Variants in STARD13 observed in about 807,000 individuals in gnomAD.
STARD13 encodes stAR-related lipid transfer protein 13.
A neutral mutation model predicts 106.4 loss-of-function variants in STARD13; 62 were observed. That is an observed-to-expected ratio of 0.58 (90% confidence interval 0.48 to 0.72). The LOEUF is 0.72. Among genes scored for constraint, STARD13 ranks in the 30% least tolerant of loss-of-function variants. STARD13 has a pLI of 0.00. For synonymous variants in STARD13, 565 were observed against 553.0 expected, an observed-to-expected ratio of 1.02 and a Z score of -0.31; for missense variants, 1,387 against 1,424.0, an observed-to-expected ratio of 0.97 and a Z score of 0.42.
the STARD13 span, among the ~76,000 whole-genome samples, chr13:33,664,951 C>T: frequency 1.3e-5 from 2 of 152,294 alleles, no homozygotes; most frequent in East Asian, 3.9e-4. Flanking sequence ...TTTTACTTAC[C>T]TTACTCATCC....
intron 1 of STARD13, among the ~76,000 whole-genome samples, chr13:33,212,392 AAAAT>A (rs140790469): frequency 0.015 from 2,233 of 152,306 alleles, 57 homozygotes; most frequent in African/African-American, 0.051. Flanking sequence ...TTTTAAGCAG[AAAAT>A]AAAGCCACTT....
intron 1 of STARD13, among the ~76,000 whole-genome samples, chr13:33,213,385 G>A (rs9596975): frequency 0.56 from 84,474 of 152,026 alleles, 24,036 homozygotes; most frequent in Middle Eastern, 0.66. Flanking sequence ...GAAAACAGAA[G>A]ACAAAATCAT....
the STARD13 span, among the ~76,000 whole-genome samples, chr13:33,673,492 A>T: frequency 6.6e-6 from 1 of 151,564 alleles, no homozygotes; most frequent in African/African-American, 2.4e-5. Context: ...GATAAGACAG[A>T]ATATATACAT....
At chr13:33,502,698 C>T in the STARD13 span, among the ~76,000 whole-genome samples, 20 of 152,114 alleles carry the variant, frequency 1.3e-4, no homozygotes, top group Non-Finnish European at 2.9e-5. Context: ...TATTGATTTG[C>T]ATATGTTGAA....
At chr13:33,479,966 A>G in the STARD13 span, among the ~76,000 whole-genome samples, 2 of 152,206 alleles carry the variant, frequency 1.3e-5, no homozygotes, top group African/African-American at 2.4e-5. Context: ...CCATGAGCCA[A>G]TTAAACCTCT....
intron 1 of STARD13, among the ~76,000 whole-genome samples, chr13:33,265,680 T>C (rs529968754): frequency 6.6e-6 from 1 of 152,300 alleles, no homozygotes; most frequent in South Asian, 2.1e-4. Flanking sequence ...TAGTTTATTG[T>C]ATTTATCCCT....
rs560474144 is a variant in STARD13, at chr13:33,219,917, C to T, written c.170-52295G>A. On this transcript the variant is annotated intron_variant, in intron 1 of 13. Coordinates refer to ENST00000336934, the MANE Select transcript of STARD13 (RefSeq NM_178006.4). ...TGAAATACTGATGGGTAGAGGAACG[C>T]TTTTCCATGATATACCCACAGCACC... 3.9e-5 allele frequency among the ~76,000 whole-genome samples: 6 copies of T among 152,056 alleles called. 1 individual carries two copies. The highest frequency in any genetic ancestry group is 4.1e-4 in the South Asian group (2 of 4,824).
the STARD13 span, among the ~76,000 whole-genome samples, chr13:33,564,206 CAA>C: frequency 0.14 from 7,495 of 53,858 alleles, 821 homozygotes; most frequent in East Asian, 0.43. Context: ...GACTGTATCT[CAA>C]AAAAAAAAAA....
At chr13:33,606,238 T>A in the STARD13 span, among the ~76,000 whole-genome samples, 1 of 151,856 alleles carries the variant, frequency 6.6e-6, no homozygotes, top group Non-Finnish European at 1.5e-5. Context: ...GAGGTGGAGG[T>A]TGCAGTGAGC....
chr13:33,585,106 A>G, the STARD13 span, among the ~76,000 whole-genome samples: 1 of 152,244 alleles, frequency 6.6e-6, no homozygotes, highest in Non-Finnish European at 1.5e-5. Flanking sequence ...GCTACTATCA[A>G]AAAGGAAAAG....
chr13:33,119,836 A>C (rs1226373073), intron 7 of STARD13, among the ~76,000 whole-genome samples: 1 of 152,222 alleles, frequency 6.6e-6, no homozygotes. Context: ...TACTTAGATG[A>C]TTCGCCACAA....
the STARD13 span, among the ~76,000 whole-genome samples, chr13:33,421,603 A>G: frequency 5.9e-5 from 9 of 152,174 alleles, no homozygotes; most frequent in South Asian, 2.1e-4. Flanking sequence ...TATGAGGCCA[A>G]CATCATCCTG....
chr13:33,174,972 A>G (rs1004353520), intron 1 of STARD13, among the ~76,000 whole-genome samples: 5 of 152,214 alleles, frequency 3.3e-5, no homozygotes, highest in African/African-American at 1.2e-4. Context: ...CACCACAGAA[A>G]ATCAAAAGCT....
intron 1 of STARD13, among the ~76,000 whole-genome samples, chr13:33,176,429 A>G (rs1008913006): frequency 1.3e-5 from 2 of 152,208 alleles, no homozygotes; most frequent in Non-Finnish European, 2.9e-5. Context: ...CACTCATTCC[A>G]GGAATAAAGA....
chr13:33,371,976 A>G, the STARD13 span, among the ~76,000 whole-genome samples: 1 of 152,214 alleles, frequency 6.6e-6, no homozygotes, highest in African/African-American at 2.4e-5. Context: ...CGACTTACCA[A>G]GCAACCAATC....
chr13:33,127,881 A>AGAGAG (rs1877469063), intron 5 of STARD13, among the ~76,000 whole-genome samples: 1 of 149,236 alleles, frequency 6.7e-6, no homozygotes, highest in East Asian at 2.0e-4. Context: ...GTGTGTGTGT[A>AGAGAG]TGTGAGAGAG....
At chr13:33,486,940 A>G in the STARD13 span, among the ~76,000 whole-genome samples, 1 of 152,240 alleles carries the variant, frequency 6.6e-6, no homozygotes, top group South Asian at 2.1e-4. Flanking sequence ...GACATTTTCT[A>G]TTGGAGAACA....
the STARD13 span, among the ~76,000 whole-genome samples, chr13:33,552,428 A>T: frequency 6.6e-6 from 1 of 152,246 alleles, no homozygotes. Context: ...ATAAAATCAC[A>T]TAAAGTACGT....
At chr13:33,670,773 G>T in the STARD13 span, among the ~76,000 whole-genome samples, 6 of 152,168 alleles carry the variant, frequency 3.9e-5, no homozygotes, top group South Asian at 2.1e-4. Flanking sequence ...CACCCTCTAC[G>T]TAAGTTCATT....
Sources: gnomAD v4.1 joint callset for allele counts (sites outside exome capture counted in the v4.1 genomes callset) on GRCh38, gnomAD v4.1.1 for gene constraint, MANE v1.5 for transcripts, NCBI Gene and HGNC (gene_info 2026-07-23, HGNC 2026-07-21) for gene names.